ZNF583: variants seen among roughly 807,000 people sequenced by gnomAD.
The protein encoded by ZNF583 is zinc finger protein L3-5.
Under a neutral mutation model 55.3 loss-of-function variants are expected in ZNF583, and 30 were observed. The ratio of observed to expected loss-of-function variants is 0.54; its 90% confidence interval spans 0.41 to 0.74. The LOEUF (loss-of-function observed/expected upper bound fraction) is 0.74, where lower values mean the gene tolerates loss of function less well. ZNF583 is among the 30% of genes least tolerant of loss of function. The pLI, the probability that ZNF583 is intolerant of heterozygous loss-of-function variation, is 0.00. For missense variants in ZNF583, 504 were observed against 664.7 expected, an observed-to-expected ratio of 0.76 and a Z score of 2.66; for synonymous variants, 208 against 220.0, an observed-to-expected ratio of 0.95 and a Z score of 0.48.
At position 56,424,114 on chromosome 19, in the gene ZNF583, C is replaced by A; in HGVS notation, c.1456C>A (p.His486Asn). ...AGGCCTTGCTCAACATCAGAGAATT[C>A]ATACTGGAGAGAAACCTTATGAATG... ...NAGLAQHQRI[H>N]TGEKPYECNV... Residue 486 changes from histidine to asparagine, a missense_variant, in exon 5 of 5, where the codon CAT (histidine) becomes AAT (asparagine). Physicochemically the swap from His to Asn is moderately conservative, Grantham distance 68 (BLOSUM62 1). Transcript: ENST00000333201. The A allele has an allele frequency of 6.2e-7, 1 of 1,614,090 alleles. No individual in the cohort carries two copies.
In ZNF583 at chr19:56,404,978, G is replaced by A. The variant is rs1400105331; in HGVS notation, c.-90+526G>A. Reference sequence around the variant, plus strand: ...AATGTAAGACTGTGTGACAGTGTGTGTGACTTTGTGAACAGAGCTTGACCG... The same window carrying A: ...AATGTAAGACTGTGTGACAGTGTGTATGACTTTGTGAACAGAGCTTGACCG... On this transcript the variant is annotated intron_variant, in intron 1 of 4. Transcript: ENST00000333201. The surrounding 1 kb of genome is among the most constrained non-coding windows in gnomAD (Gnocchi z 5.2). Among the ~76,000 whole-genome samples, 1 of 152,180 alleles carries A rather than the reference G, an allele frequency of 6.6e-6. No homozygotes were observed. Among genetic ancestry groups the A allele is most frequent in the Non-Finnish European group, 1.5e-5 (1 of 68,038 alleles).
Position 56,424,267 on chromosome 19 carries a change from C to G in ZNF583, c.1609C>G (p.His537Asp), listed in dbSNP as rs763845299. Residue 537 changes from histidine (H) to aspartate (D), a missense_variant, in exon 5 of 5, where the codon CAT becomes GAT. This residue lies in a region of ZNF583 where 63 missense variants were observed against 56.5 expected (regional missense o/e 1.11). Coordinates refer to ENST00000333201, the MANE Select transcript of ZNF583 (RefSeq NM_152478.3). ...KSFRQRAHLAHHERIHTMESF... is the reference protein window; with the variant it reads ...KSFRQRAHLADHERIHTMESF... Reference sequence around the variant, plus strand: ...TTTCAGGCAGCGTGCACATCTTGCTCATCATGAGAGAATTCATACTATGGA... The same window carrying G: ...TTTCAGGCAGCGTGCACATCTTGCTGATCATGAGAGAATTCATACTATGGA... 1 of 1,613,842 alleles carries G rather than the reference C, an allele frequency of 6.2e-7. No individual in the cohort carries two copies. The highest frequency in any genetic ancestry group is 1.3e-5 in the African/African-American group (1 of 74,906).
In ZNF583 at chr19:56,414,190, T is replaced by C. The variant is rs940803902; in HGVS notation, c.136+105T>C. ...TTCACTAAATTTCCTTTTCTTGTGC[T>C]TCCCAAAATAGGTTGAATTTGTAGA... On this transcript the variant is annotated intron_variant, in intron 3 of 4. Coordinates refer to ENST00000333201, the MANE Select transcript of ZNF583 (RefSeq NM_152478.3). 3.9e-6 allele frequency: 6 copies of C among 1,522,890 alleles called. No homozygotes were observed. In the African/African-American group the frequency reaches 8.3e-5, roughly 21 times the overall value. The allele number at this position is 1,522,890 out of a possible 1,614,324, so 94.3% of individuals were successfully genotyped here.
rs1231473030 is a variant in ZNF583, at chr19:56,423,157, C to G, written c.499C>G (p.Gln167Glu). The change falls in exon 5 of 5, where the codon CAG becomes GAG. Residue 167 changes from glutamine (Q) to glutamate (E), a missense_variant. Gln to Glu is a conservative substitution (Grantham distance 29). Coordinates refer to ENST00000333201, the MANE Select transcript of ZNF583 (RefSeq NM_152478.3). ...EYNKSWQTFHQDTIFDIQQSF... is the reference protein window; with the variant it reads ...EYNKSWQTFHEDTIFDIQQSF... ...TAACAAATCTTGGCAAACATTCCAC[C>G]AGGATACAATCTTTGATATACAACA... 2 of 1,612,832 alleles carry G rather than the reference C, an allele frequency of 1.2e-6. No homozygotes were observed. The highest frequency in any genetic ancestry group is 1.1e-5 in the South Asian group (1 of 90,864).
chr19:56,419,473 C>T (rs1339220145), intron 4 of ZNF583, among the ~76,000 whole-genome samples: 2 of 152,272 alleles, frequency 1.3e-5, no homozygotes, highest in African/African-American at 2.4e-5. Flanking sequence ...GGATTACAGG[C>T]GTGAGCCACC....
At chr19:56,411,518 A>G (rs568439540) in intron 2 of ZNF583, among the ~76,000 whole-genome samples, 1 of 152,364 alleles carries the variant, frequency 6.6e-6, no homozygotes, top group South Asian at 2.1e-4. Flanking sequence ...TGTCTCAAGG[A>G]CTTCATGTAG....
intron 1 of ZNF583, among the ~76,000 whole-genome samples, chr19:56,406,001 CAGTG>C (rs1299848079): frequency 1.3e-5 from 2 of 152,328 alleles, no homozygotes; most frequent in East Asian, 3.9e-4. Flanking sequence ...TTCTTCAAGG[CAGTG>C]AGGTCTGCTG....
intron 1 of ZNF583, among the ~76,000 whole-genome samples, chr19:56,406,684 A>G (rs1207563790): frequency 2.3e-4 from 35 of 151,480 alleles, no homozygotes; most frequent in Admixed American, 2.0e-3. Context: ...CCGCCACCAC[A>G]CCTGGCTAAT....
In ZNF583 at chr19:56,416,144, G is replaced by A. The variant is rs189425177; in HGVS notation, c.232+1704G>A. 1.2e-4 allele frequency among the ~76,000 whole-genome samples: 18 copies of A among 151,754 alleles called. No individual in the cohort carries two copies. The East Asian group carries it at 3.0e-3, about 25-fold the overall frequency. On this transcript the variant is annotated intron_variant, in intron 4 of 4. Transcript: ENST00000333201. ...AGTTCAAGACCAGCCTGGCCAAGAT[G>A]GTGAAACCCTGCCTCTACTAAAAAT... is the stretch of plus-strand genomic sequence containing the variant.
chr19:56,414,970 C>T (rs1377015079), intron 4 of ZNF583, among the ~76,000 whole-genome samples: 3 of 149,016 alleles, frequency 2.0e-5, no homozygotes, highest in Non-Finnish European at 4.4e-5. Context: ...GATCTGAGAT[C>T]GCGCCCCTGC....
chr19:56,423,431 A>G lies in ZNF583; in HGVS notation c.773A>G (p.His258Arg), dbSNP rs1193397708. ...AGCCAGAGTGCAAACTTGGCGCAAC[A>G]TAAGAGAATACATACTGGAGAGAAA... ...TFSQSANLAQHKRIHTGEKPY... is the reference protein window; with the variant it reads ...TFSQSANLAQRKRIHTGEKPY... The change falls in exon 5 of 5, where the codon CAT becomes CGT. Residue 258 changes from histidine (H) to arginine (R), a missense_variant. By Grantham distance (29) the His-to-Arg change is conservative (BLOSUM62 0). Transcript: ENST00000333201. The G allele has an allele frequency of 1.9e-6, 3 of 1,613,912 alleles. No individual in the cohort carries two copies. Among genetic ancestry groups the G allele is most frequent in the African/African-American group, 1.3e-5 (1 of 74,936 alleles).
chr19:56,409,867 G>T (rs2042210665), intron 2 of ZNF583, among the ~76,000 whole-genome samples: 2 of 150,602 alleles, frequency 1.3e-5, no homozygotes, highest in Non-Finnish European at 3.0e-5. Flanking sequence ...CTCCTTTTTT[G>T]CTTTTTTTTG....
intron 1 of ZNF583, among the ~76,000 whole-genome samples, chr19:56,405,413 CTA>C (rs2042131106): frequency 6.6e-6 from 1 of 152,054 alleles, no homozygotes; most frequent in Admixed American, 6.5e-5. Flanking sequence ...GAATGAGAAA[CTA>C]TGTGGTTTGT....
Position 56,422,998 on chromosome 19 carries a change from G to A in ZNF583, c.340G>A (p.Asp114Asn). Residue 114 changes from aspartate (D) to asparagine (N), a missense_variant, in exon 5 of 5, where the codon GAC becomes AAC. Transcript: ENST00000333201. ...AGCAAGACATCTTAGTTATAGCCTT[G>A]ACTATCCCAGTTTGAGAGAAGACTG... ...VGARHLSYSLDYPSLREDCQS... is the reference protein window; with the variant it reads ...VGARHLSYSLNYPSLREDCQS... 6.2e-7 allele frequency: 1 copy of A among 1,613,934 alleles called. No homozygotes were observed. Among genetic ancestry groups the A allele is most frequent in the Non-Finnish European group, 8.5e-7 (1 of 1,179,906 alleles).
intron 4 of ZNF583, among the ~76,000 whole-genome samples, chr19:56,422,116 G>C (rs2042425089): frequency 6.6e-6 from 1 of 152,190 alleles, no homozygotes; most frequent in African/African-American, 2.4e-5. Context: ...TAGAAGATAA[G>C]ATCAGAGAAC....
At chr19:56,421,123 G>A (rs900531376) in intron 4 of ZNF583, among the ~76,000 whole-genome samples, 2 of 152,112 alleles carry the variant, frequency 1.3e-5, no homozygotes, top group African/African-American at 2.4e-5. Context: ...TATTAGAAAC[G>A]AAGATTCTCA....
chr19:56,426,327 A>G lies in ZNF583; in HGVS notation c.*1959A>G, dbSNP rs1398821247. ...TGCTTTATCTAAATGTGGAACAAAC[A>G]GTGATTAGAGGAGTCTGTGACACAC... On this transcript the variant is annotated 3_prime_UTR_variant, in exon 5 of 5. Coordinates refer to ENST00000333201, the MANE Select transcript of ZNF583 (RefSeq NM_152478.3). 1 of 152,190 alleles carries G rather than the reference A, an allele frequency of 6.6e-6. No individual in the cohort carries two copies. Among genetic ancestry groups the G allele is most frequent in the East Asian group, 1.9e-4 (1 of 5,190 alleles). 9.4% of individuals were successfully genotyped at this position (152,190 alleles called of 1,614,324 possible).
chr19:56,424,813 T>G lies in ZNF583; in HGVS notation c.*445T>G, dbSNP rs1336974890. The G allele has an allele frequency of 6.3e-6, 1 of 158,988 alleles. No individual in the cohort carries two copies. The highest frequency in any genetic ancestry group is 1.8e-4 in the South Asian group (1 of 5,458). 9.8% of individuals were successfully genotyped at this position (158,988 alleles called of 1,614,324 possible). On this transcript the variant is annotated 3_prime_UTR_variant, in exon 5 of 5. Transcript: ENST00000333201. ...AATTTGGGGGCAGCAGTTTGTGCTT[T>G]GTAAGCTTCAGTCTTATTTATAGTG... is the stretch of plus-strand genomic sequence containing the variant.
In ZNF583 at chr19:56,423,094, C is replaced by A; in HGVS notation, c.436C>A (p.His146Asn). The A allele has an allele frequency of 6.2e-7, 1 of 1,612,626 alleles. No individual in the cohort carries two copies. Among genetic ancestry groups the A allele is most frequent in the South Asian group, 1.1e-5 (1 of 90,644 alleles). Residue 146 changes from histidine to asparagine, a missense_variant, in exon 5 of 5, where the codon CAT becomes AAT. By Grantham distance (68) the His-to-Asn change is moderately conservative (BLOSUM62 1). Around this residue, in one of 3 missense-constraint regions of ZNF583, gnomAD observed 204 missense variants for 235.2 expected, o/e 0.87. Coordinates refer to ENST00000333201, the MANE Select transcript of ZNF583 (RefSeq NM_152478.3). ...ACATCTTAGTCAATTAATCATCACT[C>A]ATAAAGAAATCCTTCCAGAAGTTCA... is the stretch of plus-strand genomic sequence containing the variant. ...EVHLSQLIIT[H>N]KEILPEVQNK...
Sources: gnomAD v4.1 joint callset for allele counts (sites outside exome capture counted in the v4.1 genomes callset) on GRCh38, gnomAD v4.1.1 for gene constraint, gnomAD v4.1.1 regional missense constraint, Gnocchi (gnomAD v3.1) non-coding constraint, MANE v1.5 for transcripts, NCBI Gene and HGNC (gene_info 2026-07-23, HGNC 2026-07-21) for gene names.